ASB14: variants seen among roughly 807,000 people sequenced by gnomAD.
ASB14 encodes ankyrin repeat and SOCS box protein 14.
In ASB14, 63 loss-of-function variants were observed where a neutral mutation model predicts 55.6. The observed-to-expected ratio is 1.13, with a 90% CI of 0.92 to 1.40. The LOEUF is 1.40. Among genes scored for constraint, ASB14 ranks in the 40% most tolerant of loss-of-function variants. ASB14 has a pLI of 0.00. For missense variants in ASB14, 724 were observed against 710.4 expected, an observed-to-expected ratio of 1.02 and a Z score of -0.22; for synonymous variants, 256 against 259.9, an observed-to-expected ratio of 0.98 and a Z score of 0.15.
In ASB14 at chr3:57,276,554, C is replaced by T; in HGVS notation, c.1760G>A (p.Trp587Ter). The T allele has an allele frequency of 6.2e-7, 1 of 1,604,110 alleles. No homozygotes were observed. Among genetic ancestry groups the T allele is most frequent in the Non-Finnish European group, 8.5e-7 (1 of 1,174,114 alleles). ...LYGQGIFTGT[W>*] ...TTTTCCATTAGAATGGTTTGATTAC[C>T]AGGTTCCTGTAAAAATTCCTTGTCC... The change falls in exon 10 of 11, where the codon TGG becomes TAG. Residue 587 changes from tryptophan to a stop codon, truncating the protein, a stop_gained. Coordinates refer to ENST00000487349, the MANE Select transcript of ASB14 (RefSeq NM_001142733.3). LOFTEE classifies it high-confidence loss of function.
In ASB14 at chr3:57,278,241, A is replaced by G. The variant is rs767689717; in HGVS notation, c.1431+136T>C. ...CTATTGTGTTTATTTTATCATAATT[A>G]TTTTATCATATAATTATTATACTAG... On this transcript the variant is annotated intron_variant, in intron 8 of 10. Coordinates refer to ENST00000487349, the MANE Select transcript of ASB14 (RefSeq NM_001142733.3). 285 of 658,718 alleles carry G rather than the reference A, an allele frequency of 4.3e-4. 3 individuals carry two copies. The highest frequency in any genetic ancestry group is 6.5e-4 in the Non-Finnish European group (263 of 402,082). The allele number at this position is 658,718 out of a possible 1,614,324, so 40.8% of individuals were successfully genotyped here.
intron 2 of ASB14, among the ~76,000 whole-genome samples, chr3:57,289,999 C>T (rs17057947): frequency 0.057 from 8,741 of 152,190 alleles, 869 homozygotes; most frequent in African/African-American, 0.2. Context: ...TAAATTCCCT[C>T]GGACACTCTG....
At chr3:57,286,350 CCT>C (rs1354947409) in intron 5 of ASB14, among the ~76,000 whole-genome samples, 4 of 151,536 alleles carry the variant, frequency 2.6e-5, no homozygotes, top group African/African-American at 9.7e-5. Context: ...TTTAATTCCA[CCT>C]CTGAGATGAT....
chr3:57,278,815 T>G lies in ASB14; in HGVS notation c.993A>C (p.Glu331Asp). Residue 331 changes from glutamate (E) to aspartate (D), a missense_variant, in exon 8 of 11, where the codon GAA becomes GAC. By Grantham distance (45) the Glu-to-Asp change is conservative. Transcript: ENST00000487349. ...CATCAAATCCAGCCTGGATGAGGAG[T>G]TCCAGGCACTGAGGATGTGCTCCTG... ...AAAGAHPQCLELLIQAGFDVN... is the reference protein window; with the variant it reads ...AAAGAHPQCLDLLIQAGFDVN... 8.1e-6 allele frequency: 13 copies of G among 1,612,862 alleles called. No homozygotes were observed. Among genetic ancestry groups the G allele is most frequent in the Non-Finnish European group, 1.1e-5 (13 of 1,179,646 alleles).
At chr3:57,277,636 A>G in intron 9 of ASB14, 131 bp downstream of exon 9, 1 of 782,708 alleles carries the variant, frequency 1.3e-6, no homozygotes, top group Non-Finnish European at 2.0e-6. Context: ...ATTTTTAAAG[A>G]TAGGAATAGT....
intron 6 of ASB14, among the ~76,000 whole-genome samples, chr3:57,282,487 G>T (rs554396991): frequency 6.6e-6 from 1 of 152,130 alleles, no homozygotes; most frequent in African/African-American, 2.4e-5. Flanking sequence ...TGAGCCAAGG[G>T]TCCCTGCTAG....
intron 2 of ASB14, among the ~76,000 whole-genome samples, chr3:57,290,760 G>T (rs569744756): frequency 6.6e-6 from 1 of 152,194 alleles, no homozygotes; most frequent in Non-Finnish European, 1.5e-5. Context: ...ACCTAAAATT[G>T]TAAGTTCAAA....
At chr3:57,272,555 C>CT (rs2060949744) in intron 10 of ASB14, 1 of 151,996 alleles carries the variant, frequency 6.6e-6, no homozygotes, top group Admixed American at 6.6e-5. Context: ...GCTGAGAGAT[C>CT]CTAAGAGCTA....
chr3:57,286,865 C>T (rs2061084841), intron 5 of ASB14, among the ~76,000 whole-genome samples: 1 of 152,204 alleles, frequency 6.6e-6, no homozygotes, highest in Non-Finnish European at 1.5e-5. Context: ...TGTTGCTACT[C>T]TTGGATCATC....
chr3:57,280,163 CAAAAAAAAA>C (rs138493152), intron 7 of ASB14, 130 bp downstream of exon 7: 10 of 215,858 alleles, frequency 4.6e-5, no homozygotes, highest in African/African-American at 2.9e-4. Flanking sequence ...GACAGCATCT[CAAAAAAAAA>C]AAAAAAAAAA....
chr3:57,278,550 G>C lies in ASB14; in HGVS notation c.1258C>G (p.Pro420Ala), dbSNP rs772677899. 30 of 1,614,172 alleles carry C rather than the reference G, an allele frequency of 1.9e-5. No individual in the cohort carries two copies. Among genetic ancestry groups the C allele is most frequent in the Middle Eastern group, 1.6e-4 (1 of 6,062 alleles). The stretch of plus-strand genomic sequence containing the variant: ...TGCAGTGCTGATGGGAAATGTAAAG[G>C]GTTAACTCTGCAGAAGTAATTGACA... ...ANVNYFCRVN[P>A]LHFPSALQYT... is the part of the protein sequence containing the mutation. The change falls in exon 8 of 11, where the codon CCT (proline) becomes GCT (alanine). Residue 420 changes from proline (P) to alanine (A), a missense_variant. Pro to Ala is a conservative substitution (Grantham distance 27). Transcript: ENST00000487349.
At position 57,269,755 on chromosome 3, in the gene ASB14, A is replaced by G. The variant is rs2060923115; in HGVS notation, c.*23-137T>C. The G allele has an allele frequency of 5.2e-6, 8 of 1,525,708 alleles. No homozygotes were observed. In the East Asian group the frequency reaches 1.1e-4, roughly 22 times the overall value. The allele number at this position is 1,525,708 out of a possible 1,614,324, so 94.5% of individuals were successfully genotyped here. ...TTCTATGGTGAAATGGCAGAAGGTA[A>G]CAACTATGTTGAAATATCAAGGAGG... On this transcript the variant is annotated intron_variant, in intron 10 of 10. Transcript: ENST00000487349.
intron 5 of ASB14, among the ~76,000 whole-genome samples, chr3:57,284,051 TG>T (rs1462240739): frequency 6.7e-6 from 1 of 148,472 alleles, no homozygotes; most frequent in African/African-American, 2.5e-5. Context: ...AAAATGATTT[TG>T]TAGTTAAAAA....
intron 9 of ASB14, 140 bp downstream of exon 9, chr3:57,277,627 T>C: frequency 1.4e-6 from 1 of 738,608 alleles, no homozygotes; most frequent in South Asian, 2.2e-5. Context: ...GTTAGTAACA[T>C]TTTTAAAGAT....
intron 6 of ASB14, 34 bp from the exon 7 acceptor site, chr3:57,280,507 T>G: frequency 6.6e-7 from 1 of 1,520,514 alleles, no homozygotes; most frequent in Non-Finnish European, 8.9e-7. Flanking sequence ...AATGCAAAAA[T>G]TATTTTCCAC....
intron 5 of ASB14, among the ~76,000 whole-genome samples, chr3:57,284,554 G>C (rs913317243): frequency 6.6e-6 from 1 of 152,148 alleles, no homozygotes. Flanking sequence ...CCTATCAATA[G>C]GGACATGCTG....
intron 5 of ASB14, among the ~76,000 whole-genome samples, chr3:57,286,048 T>A (rs532942542): frequency 1.3e-5 from 2 of 152,218 alleles, no homozygotes; most frequent in Non-Finnish European, 2.9e-5. Flanking sequence ...ACTGTCAGAT[T>A]TGAGAGTTGG....
rs759501010 is a variant in ASB14 at position 57,288,288 on chromosome 3, T to C, written c.179-2A>G. The C allele has an allele frequency of 2.0e-5, 30 of 1,536,954 alleles. No homozygotes were observed. Among genetic ancestry groups the C allele is most frequent in the Non-Finnish European group, 2.5e-5 (29 of 1,146,712 alleles). ...AGTGTGACAATGCATCTTCCTTACC[T>C]ATTAACGAGTCAAATGAGAACAGAT... On this transcript the variant is annotated splice_acceptor_variant, in intron 3 of 10. Coordinates refer to ENST00000487349, the MANE Select transcript of ASB14 (RefSeq NM_001142733.3). LOFTEE classifies it high-confidence loss of function.
Position 57,288,708 on chromosome 3 carries a change from C to CTTTTTTTTT in ASB14, c.178+351_178+359dup, listed in dbSNP as rs747854434. Among the ~76,000 whole-genome samples the CTTTTTTTTT allele has an allele frequency of 1.7e-3, 174 of 102,376 alleles. 3 individuals carry two copies. Among genetic ancestry groups the CTTTTTTTTT allele is most frequent in the East Asian group, 6.7e-3 (17 of 2,524 alleles). The allele number at this position is 102,376 out of a possible 152,430, so 67.2% of individuals were successfully genotyped here. Reference sequence around the variant, plus strand: ...GCCAGCCATCACCATCATATCTTTCCTTTTTTTTTTTTTTTTTTTTTTGTG... The same window carrying CTTTTTTTTT: ...GCCAGCCATCACCATCATATCTTTCCTTTTTTTTTTTTTTTTTTTTTTTTTTTTTTTGTG... On this transcript the variant is annotated intron_variant, in intron 3 of 10. Coordinates refer to ENST00000487349, the MANE Select transcript of ASB14 (RefSeq NM_001142733.3).
Sources: allele counts gnomAD v4.1 joint callset (sites outside exome capture counted in the v4.1 genomes callset), GRCh38; gene constraint gnomAD v4.1.1; transcripts MANE v1.5; gene names NCBI Gene and HGNC (gene_info 2026-07-23, HGNC 2026-07-21).